Variants in CSMD2 observed in about 807,000 individuals in gnomAD.
The protein encoded by CSMD2 is CUB and Sushi multiple domains 2, also known as CUB and sushi domain-containing protein 2.
In CSMD2, 130 loss-of-function variants were observed where a neutral mutation model predicts 398.5. The ratio of observed to expected loss-of-function variants is 0.33; its 90% CI spans 0.28 to 0.38. The LOEUF (loss-of-function observed/expected upper bound fraction) is 0.38, where lower values mean the gene tolerates loss of function less well. CSMD2 is among the 10% of genes least tolerant of loss of function. The pLI is 1.00. For missense variants in CSMD2, 3,829 were observed against 4,764.9 expected (o/e 0.80, Z 5.78); for synonymous variants, 1,828 against 1,908.5 (o/e 0.96, Z 1.10).
intron 3 of CSMD2, among the ~76,000 whole-genome samples, chr1:33,998,658 A>T (rs537745387): frequency 7.2e-5 from 11 of 152,330 alleles, no homozygotes; most frequent in Admixed American, 5.2e-4. Flanking sequence ...CACAGGTGAA[A>T]GAGCCTGGTG....
intron 8 of CSMD2, among the ~76,000 whole-genome samples, chr1:33,820,100 T>C (rs1377078272): frequency 6.6e-6 from 1 of 152,110 alleles, no homozygotes; most frequent in Non-Finnish European, 1.5e-5. Context: ...TAAGCACCAG[T>C]TAGGGCAGCT....
intron 49 of CSMD2, 58 bp from the exon 50 acceptor site, chr1:33,572,749 T>C: frequency 1.4e-6 from 2 of 1,402,502 alleles, no homozygotes; most frequent in East Asian, 2.4e-5. Flanking sequence ...TCTGAGAAAC[T>C]ATTTTTATCC....
chr1:33,970,411 A>G (rs932779890), intron 3 of CSMD2, among the ~76,000 whole-genome samples: 10 of 151,968 alleles, frequency 6.6e-5, no homozygotes, highest in Non-Finnish European at 1.2e-4. Context: ...GATCTTGCCC[A>G]TTGTCTCTGC....
At chr1:33,716,191 A>G (rs1412342118) in intron 20 of CSMD2, 95 bp downstream of exon 20, 1 of 1,053,290 alleles carries the variant, frequency 9.5e-7, no homozygotes, top group African/African-American at 1.6e-5. Context: ...GAGTGGATTA[A>G]TATCTATCTG....
rs568143636 is a variant in CSMD2, at chr1:33,648,690, T to G, written c.4587-1855A>C. Among the ~76,000 whole-genome samples the G allele has an allele frequency of 4.6e-5, 7 of 152,324 alleles. No homozygotes were observed. In the East Asian group the frequency reaches 1.3e-3, roughly 29 times the overall value. On this transcript the variant is annotated intron_variant, in intron 28 of 70. Coordinates refer to ENST00000373381, the MANE Select transcript of CSMD2 (RefSeq NM_001281956.2). Reference sequence around the variant, plus strand: ...GTTAGCTAAAGCTTTAGCAGTAAAGTGCCTGGAAAGCTTCGAGAGAGACTC... The same window carrying G: ...GTTAGCTAAAGCTTTAGCAGTAAAGGGCCTGGAAAGCTTCGAGAGAGACTC...
chr1:33,726,283 G>A (rs1435854847), intron 16 of CSMD2, among the ~76,000 whole-genome samples: 1 of 152,092 alleles, frequency 6.6e-6, no homozygotes, highest in Non-Finnish European at 1.5e-5. Flanking sequence ...CTTGGGGGCT[G>A]GGGAGGGGGG....
intron 3 of CSMD2, among the ~76,000 whole-genome samples, chr1:34,013,027 A>C (rs1647578812): frequency 6.6e-6 from 1 of 152,172 alleles, no homozygotes. Context: ...CCCAACACTA[A>C]GCCCAAGCCA....
At chr1:33,606,265 C>T (rs6425832) in intron 41 of CSMD2, among the ~76,000 whole-genome samples, 107,182 of 152,176 alleles carry the variant, frequency 0.7, 37,939 homozygotes, top group Non-Finnish European at 0.72. Context: ...AAATTGGCAG[C>T]GGGAGGAGAC....
intron 3 of CSMD2, among the ~76,000 whole-genome samples, chr1:33,958,106 C>T (rs1254826943): frequency 2.0e-5 from 3 of 152,066 alleles, no homozygotes; most frequent in East Asian, 3.9e-4. Flanking sequence ...TTGGTAGGCT[C>T]GCTCCCACCC....
At chr1:34,016,387 G>T (rs1453134718) in intron 3 of CSMD2, among the ~76,000 whole-genome samples, 2 of 151,500 alleles carry the variant, frequency 1.3e-5, no homozygotes, top group Non-Finnish European at 2.9e-5. Context: ...TCCCACTTAT[G>T]AGTGAGAACA....
chr1:34,027,264 A>G (rs1466460143), intron 3 of CSMD2, among the ~76,000 whole-genome samples: 1 of 152,206 alleles, frequency 6.6e-6, no homozygotes, highest in Non-Finnish European at 1.5e-5. Context: ...ATGGCCAGTA[A>G]GTGATGACAG....
At chr1:33,622,024 T>A (rs1641804914) in intron 37 of CSMD2, 143 bp downstream of exon 37, 1 of 691,670 alleles carries the variant, frequency 1.4e-6, no homozygotes, top group African/African-American at 1.8e-5. Context: ...TTCTCTGGGC[T>A]TTAGCATCTT....
At chr1:33,682,423 G>T (rs1463484199) in intron 25 of CSMD2, among the ~76,000 whole-genome samples, 1 of 152,098 alleles carries the variant, frequency 6.6e-6, no homozygotes, top group African/African-American at 2.4e-5. Flanking sequence ...CAATGTTTTT[G>T]TAAGTTCCTC....
intron 1 of CSMD2, among the ~76,000 whole-genome samples, chr1:34,116,137 G>A (rs2148456746): frequency 6.6e-6 from 1 of 152,072 alleles, no homozygotes; most frequent in Non-Finnish European, 1.5e-5. Context: ...ATTAAACTCA[G>A]CAATCAAAAG....
chr1:34,164,763 G>T lies in CSMD2; in HGVS notation c.187+148C>A. On this transcript the variant is annotated intron_variant, in intron 1 of 70. Transcript: ENST00000373381. The surrounding 1 kb of genome is among the most constrained non-coding windows in gnomAD (Gnocchi z 6.2). The stretch of plus-strand genomic sequence containing the variant: ...TGGGGTGGGAGACGGAGGCAGGGAT[G>T]AGAATGAGAGTAGGCAACTGGGAGG... The T allele has an allele frequency of 1.5e-6, 1 of 671,442 alleles. No individual in the cohort carries two copies. The highest frequency in any genetic ancestry group is 2.0e-6 in the Non-Finnish European group (1 of 488,862). The allele number at this position is 671,442 out of a possible 1,614,324, so 41.6% of individuals were successfully genotyped here. A position where few individuals can be genotyped will look rare whatever the true frequency, so the allele number is the denominator to read the frequency against.
intron 13 of CSMD2, among the ~76,000 whole-genome samples, chr1:33,747,936 A>T (rs537973606): frequency 6.6e-6 from 1 of 152,356 alleles, no homozygotes; most frequent in Admixed American, 6.5e-5. Flanking sequence ...ACAACAAAAA[A>T]GGAATTTTAA....
chr1:33,798,959 T>A lies in CSMD2; in HGVS notation c.1447-6433A>T, dbSNP rs150291397. Among the ~76,000 whole-genome samples the A allele has an allele frequency of 3.1e-4, 47 of 152,126 alleles. 1 individual carries two copies. Among genetic ancestry groups the A allele is most frequent in the African/African-American group, 1.1e-3 (46 of 41,512 alleles). Reference sequence around the variant, plus strand: ...AGGGCAGTCTTGTGGGAAGCTAGAGTCCCGGGAGATGTAGACTGAGGCTGT... The same window carrying A: ...AGGGCAGTCTTGTGGGAAGCTAGAGACCCGGGAGATGTAGACTGAGGCTGT... On this transcript the variant is annotated intron_variant, in intron 10 of 70. Coordinates refer to ENST00000373381, the MANE Select transcript of CSMD2 (RefSeq NM_001281956.2).
intron 12 of CSMD2, among the ~76,000 whole-genome samples, chr1:33,782,006 G>C (rs1652834022): frequency 6.6e-6 from 1 of 152,060 alleles, no homozygotes; most frequent in Non-Finnish European, 1.5e-5. Context: ...GATGATACTG[G>C]AGTGCCACCT....
chr1:33,992,800 C>T (rs936350451), intron 3 of CSMD2, among the ~76,000 whole-genome samples: 1 of 150,236 alleles, frequency 6.7e-6, no homozygotes, highest in Non-Finnish European at 1.5e-5. Flanking sequence ...TGGTGTGAAC[C>T]CGGGAGGCAG....
Sources: allele counts gnomAD v4.1 joint callset (sites outside exome capture counted in the v4.1 genomes callset), GRCh38; gene constraint gnomAD v4.1.1; non-coding constraint Gnocchi (gnomAD v3.1); transcripts MANE v1.5; gene names NCBI Gene and HGNC (gene_info 2026-07-23, HGNC 2026-07-21).